Variants in TRAPPC12 observed in about 807,000 individuals in gnomAD.
TRAPPC12 encodes trafficking protein particle complex subunit 12, also known as TPR repeat protein 15.
TRAPPC12 carries 61 observed loss-of-function variants against 69.2 expected under a neutral mutation model. The ratio of observed to expected loss-of-function variants is 0.88; its 90% CI spans 0.72 to 1.09. The LOEUF is 1.09. TRAPPC12 is among the 50% of genes least tolerant of loss of function. The pLI is 0.00. For missense variants in TRAPPC12, 1,101 were observed against 1,016.4 expected (o/e 1.08, Z -1.13); for synonymous variants, 469 against 438.9 (o/e 1.07, Z -0.86).
intron 1 of TRAPPC12, among the ~76,000 whole-genome samples, chr2:3,383,523 CG>C (rs1553309336): frequency 2.0e-5 from 3 of 151,614 alleles, no homozygotes. Context: ...CTCAGCCTCC[CG>C]AGTAGCAGAG....
intron 8 of TRAPPC12, among the ~76,000 whole-genome samples, chr2:3,463,603 T>C (rs1665634274): frequency 6.7e-6 from 1 of 149,810 alleles, no homozygotes; most frequent in Non-Finnish European, 1.5e-5. Flanking sequence ...CCCCTGGCCC[T>C]GAGCACTGAA....
Position 3,477,876 on chromosome 2 carries a change from C to T in TRAPPC12, c.1877+81C>T, listed in dbSNP as rs1371397651. The T allele has an allele frequency of 5.5e-6, 5 of 904,488 alleles. No homozygotes were observed. In the Admixed American group the frequency reaches 1.1e-4, roughly 20 times the overall value. The allele number at this position is 904,488 out of a possible 1,614,324, so 56.0% of individuals were successfully genotyped here. ...CCCCACTTACTGAGTTGGAAAGCTC[C>T]CTAGAGAAGGCGCTTCTCCCTGTAT... On this transcript the variant is annotated intron_variant, in intron 10 of 11. Transcript: ENST00000324266.
At position 3,406,552 on chromosome 2, in the gene TRAPPC12, A is replaced by C. The variant is rs527907649; in HGVS notation, c.1164+4659A>C. On this transcript the variant is annotated intron_variant, in intron 3 of 11. Coordinates refer to ENST00000324266, the MANE Select transcript of TRAPPC12 (RefSeq NM_016030.6). ...TTAGAAAGCTTTGGAGAGGAGAGAGATGGAGATACTCTTTTTTAAAGGGGA... is the reference window on the plus strand; with the variant it reads ...TTAGAAAGCTTTGGAGAGGAGAGAGCTGGAGATACTCTTTTTTAAAGGGGA... Among the ~76,000 whole-genome samples, 20 of 152,338 alleles carry C rather than the reference A, an allele frequency of 1.3e-4. No individual in the cohort carries two copies. In the South Asian group the frequency reaches 4.1e-3, roughly 32 times the overall value.
chr2:3,436,640 G>A (rs1300382959), intron 5 of TRAPPC12, among the ~76,000 whole-genome samples: 2 of 151,882 alleles, frequency 1.3e-5, no homozygotes, highest in Non-Finnish European at 2.9e-5. Context: ...TGTCCCTTCT[G>A]TGGGTTTCAA....
chr2:3,402,169 T>C (rs1412447793), intron 3 of TRAPPC12, among the ~76,000 whole-genome samples: 1 of 152,240 alleles, frequency 6.6e-6, no homozygotes, highest in Non-Finnish European at 1.5e-5. Context: ...TCATATATAA[T>C]AGAGATAAAT....
intron 9 of TRAPPC12, 106 bp from the exon 10 acceptor site, chr2:3,477,589 C>G: frequency 8.4e-6 from 5 of 591,804 alleles, no homozygotes; most frequent in Non-Finnish European, 1.4e-5. Flanking sequence ...CTCTGCCTGA[C>G]ATATAAATGT....
intron 3 of TRAPPC12, among the ~76,000 whole-genome samples, chr2:3,411,646 G>A (rs1470455056): frequency 6.6e-6 from 1 of 152,118 alleles, no homozygotes; most frequent in Non-Finnish European, 1.5e-5. Flanking sequence ...TTTTTATTAT[G>A]TATTATATAT....
rs373296340 is a variant in TRAPPC12, at chr2:3,388,214, C to G, written c.591C>G (p.Pro197=). 2 of 1,609,060 alleles carry G rather than the reference C, an allele frequency of 1.2e-6. No homozygotes were observed. Among genetic ancestry groups the G allele is most frequent in the Non-Finnish European group, 1.7e-6 (2 of 1,177,860 alleles). ...GCGAGGCCTCGGCCAGGACACCGCC[C>G]CAGGTCGTGCAGCCCAGCCCCAGCC... ...GASEASARTP[P]QVVQPSPSLS... The change falls in exon 2 of 12, where the codon CCC becomes CCG. Residue 197 remains proline, a synonymous_variant. Coordinates refer to ENST00000324266, the MANE Select transcript of TRAPPC12 (RefSeq NM_016030.6).
intron 5 of TRAPPC12, among the ~76,000 whole-genome samples, chr2:3,435,643 A>G (rs1173898884): frequency 6.6e-6 from 1 of 152,234 alleles, no homozygotes; most frequent in Non-Finnish European, 1.5e-5. Flanking sequence ...CCAGCAGCGC[A>G]GAGTCCACGA....
intron 9 of TRAPPC12, among the ~76,000 whole-genome samples, chr2:3,475,155 G>A (rs1666240705): frequency 6.6e-6 from 1 of 152,152 alleles, no homozygotes. Flanking sequence ...GAGTGCAGTG[G>A]CACAGGTATG....
Position 3,454,160 on chromosome 2 carries a change from G to A in TRAPPC12, c.1531-3461G>A, listed in dbSNP as rs538490023. Among the ~76,000 whole-genome samples the A allele has an allele frequency of 2.6e-4, 40 of 152,358 alleles. No individual in the cohort carries two copies. In the South Asian group the frequency reaches 5.8e-3, roughly 22 times the overall value. On this transcript the variant is annotated intron_variant, in intron 6 of 11. Coordinates refer to ENST00000324266, the MANE Select transcript of TRAPPC12 (RefSeq NM_016030.6). Reference sequence around the variant, plus strand: ...CAGATCCCTGCAGGCACTTGGCGTCGTTTTGTGTGTCCCTCTGCCCCAGCC... The same window carrying A: ...CAGATCCCTGCAGGCACTTGGCGTCATTTTGTGTGTCCCTCTGCCCCAGCC...
intron 5 of TRAPPC12, among the ~76,000 whole-genome samples, chr2:3,441,314 G>C (rs1434708403): frequency 6.6e-6 from 1 of 152,152 alleles, no homozygotes; most frequent in African/African-American, 2.4e-5. Context: ...GACCATCTGG[G>C]TCTGGGGCTT....
At chr2:3,468,571 G>A (rs532596119) in intron 9 of TRAPPC12, among the ~76,000 whole-genome samples, 35 of 152,280 alleles carry the variant, frequency 2.3e-4, no homozygotes, top group East Asian at 1.9e-4. Flanking sequence ...TCTTGAGGAT[G>A]GGTTGTGTTT....
chr2:3,453,967 T>C (rs928031256), intron 6 of TRAPPC12, among the ~76,000 whole-genome samples: 3 of 152,232 alleles, frequency 2.0e-5, no homozygotes, highest in East Asian at 1.9e-4. Flanking sequence ...TCATGGATGC[T>C]CTTCTGCATC....
At chr2:3,407,090 T>C (rs949114317) in intron 3 of TRAPPC12, among the ~76,000 whole-genome samples, 1 of 152,226 alleles carries the variant, frequency 6.6e-6, no homozygotes, top group African/African-American at 2.4e-5. Context: ...ATTATTTCCC[T>C]AAGTTATGTC....
chr2:3,436,972 CA>C (rs1159042756), intron 5 of TRAPPC12, among the ~76,000 whole-genome samples: 2 of 118,666 alleles, frequency 1.7e-5, no homozygotes, highest in African/African-American at 6.7e-5. Flanking sequence ...ATTAATCCCC[CA>C]ATCACCCCTG....
chr2:3,382,542 C>T (rs1472504388), intron 1 of TRAPPC12, among the ~76,000 whole-genome samples: 1 of 152,210 alleles, frequency 6.6e-6, no homozygotes, highest in Admixed American at 6.5e-5. Context: ...TGATAGGTAT[C>T]TAGCAGTGGA....
At chr2:3,402,878 C>T (rs1041525029) in intron 3 of TRAPPC12, among the ~76,000 whole-genome samples, 2 of 152,224 alleles carry the variant, frequency 1.3e-5, no homozygotes, top group African/African-American at 4.8e-5. Flanking sequence ...AGCTCATCCA[C>T]ACGGTTGCCT....
chr2:3,448,142 T>G (rs1664616972), intron 6 of TRAPPC12, among the ~76,000 whole-genome samples: 1 of 152,216 alleles, frequency 6.6e-6, no homozygotes, highest in Non-Finnish European at 1.5e-5. Flanking sequence ...CAAGTGATTT[T>G]ATTATCCTCG....
Sources: allele counts gnomAD v4.1 joint callset (sites outside exome capture counted in the v4.1 genomes callset), GRCh38; gene constraint gnomAD v4.1.1; transcripts MANE v1.5; gene names NCBI Gene and HGNC (gene_info 2026-07-23, HGNC 2026-07-21).